The following LIPI variants were observed in gnomAD, a reference collection of about 807,000 sequenced individuals.
LIPI encodes lipase I, also known as lipase member I.
In LIPI, 59 loss-of-function variants were observed where a neutral mutation model predicts 50.6. The observed-to-expected ratio is 1.16, with a 90% CI of 0.94 to 1.45. LIPI has a LOEUF of 1.45. Among genes scored for constraint, LIPI ranks in the 40% most tolerant of loss-of-function variants. LIPI has a pLI of 0.00. For missense variants in LIPI, 586 were observed against 536.3 expected, an observed-to-expected ratio of 1.09 and a Z score of -0.92; for synonymous variants, 203 against 178.2, an observed-to-expected ratio of 1.14 and a Z score of -1.11.
chr21:14,162,932 TA>T (rs2018544931), intron 7 of LIPI, among the ~76,000 whole-genome samples: 1 of 151,780 alleles, frequency 6.6e-6, no homozygotes, highest in Non-Finnish European at 1.5e-5. Flanking sequence ...TACTTCCTTA[TA>T]AATCTATTAT....
intron 9 of LIPI, among the ~76,000 whole-genome samples, chr21:14,131,510 A>T (rs1255086960): frequency 6.6e-6 from 1 of 152,222 alleles, no homozygotes; most frequent in Non-Finnish European, 1.5e-5. Context: ...ACCCAAAATC[A>T]AAACCAATAT....
At chr21:14,179,615 G>A (rs956818473) in intron 4 of LIPI, among the ~76,000 whole-genome samples, 6 of 152,128 alleles carry the variant, frequency 3.9e-5, no homozygotes, top group South Asian at 2.1e-4. Context: ...TAGAGGGACC[G>A]GCTGGAGCCG....
At chr21:14,166,060 A>G (rs1272220295) in intron 5 of LIPI, among the ~76,000 whole-genome samples, 2 of 152,176 alleles carry the variant, frequency 1.3e-5, no homozygotes, top group African/African-American at 2.4e-5. Context: ...GTATTATATG[A>G]TACTTGAGCT....
chr21:14,199,289 A>G (rs928727056), intron 1 of LIPI, among the ~76,000 whole-genome samples: 1 of 152,010 alleles, frequency 6.6e-6, no homozygotes, highest in African/African-American at 2.4e-5. Flanking sequence ...ACTATTCAAG[A>G]GATCAATGAA....
At chr21:14,176,554 T>C (rs2019103734) in intron 4 of LIPI, among the ~76,000 whole-genome samples, 1 of 151,788 alleles carries the variant, frequency 6.6e-6, no homozygotes, top group South Asian at 2.1e-4. Flanking sequence ...TTAGTTATTT[T>C]TAAATGTGAT....
intron 4 of LIPI, among the ~76,000 whole-genome samples, chr21:14,173,601 G>A (rs766734742): frequency 2.0e-5 from 3 of 152,194 alleles, no homozygotes; most frequent in Admixed American, 6.5e-5. Flanking sequence ...CTACAACACA[G>A]TGAACTCATG....
chr21:14,129,815 A>T (rs199949843), intron 9 of LIPI, among the ~76,000 whole-genome samples: 15 of 143,248 alleles, frequency 1.0e-4, no homozygotes, highest in African/African-American at 3.5e-4. Flanking sequence ...TTTTTAAAAA[A>T]AAAAAAAGCT....
chr21:14,110,044 A>G (rs2016340000), intron 9 of LIPI, among the ~76,000 whole-genome samples: 1 of 151,970 alleles, frequency 6.6e-6, no homozygotes, highest in African/African-American at 2.4e-5. Flanking sequence ...CTGAATTTGT[A>G]CTTCTAATGC....
chr21:14,153,834 C>T (rs1415021679), intron 7 of LIPI, among the ~76,000 whole-genome samples: 1 of 152,102 alleles, frequency 6.6e-6, no homozygotes, highest in Admixed American at 6.6e-5. Context: ...AAAATTCTTC[C>T]TATTTTTTCA....
At position 14,167,783 on chromosome 21, in the gene LIPI, C is replaced by CTAAAAAA. The variant is rs1309680318; in HGVS notation, c.644-1333_644-1332insTTTTTTA. Reference sequence around the variant, plus strand: ...ATGGGGAAAAAACAGAGCAGAAAAACTGGAAACTCTAAAAAGCAGAGTGCC... The same window carrying CTAAAAAA: ...ATGGGGAAAAAACAGAGCAGAAAAACTAAAAAATGGAAACTCTAAAAAGCAGAGTGCC... On this transcript the variant is annotated intron_variant, in intron 4 of 9. Coordinates refer to ENST00000681601, the MANE Select transcript of LIPI (RefSeq NM_001302998.2). Among the ~76,000 whole-genome samples the CTAAAAAA allele has an allele frequency of 3.1e-4, 47 of 152,270 alleles. 1 individual carries two copies. The highest frequency in any genetic ancestry group is 1.0e-3 in the African/African-American group (43 of 41,544).
At chr21:14,165,921 C>T (rs115561769) in intron 5 of LIPI, among the ~76,000 whole-genome samples, 2,129 of 152,216 alleles carry the variant, frequency 0.014, 48 homozygotes, top group African/African-American at 0.048. Flanking sequence ...CTGATGTGAG[C>T]CAAATTCCAC....
intron 1 of LIPI, among the ~76,000 whole-genome samples, chr21:14,204,944 T>C (rs891813586): frequency 6.6e-6 from 1 of 151,356 alleles, no homozygotes; most frequent in African/African-American, 2.4e-5. Flanking sequence ...AGAAACACTA[T>C]AAACTAGACA....
At chr21:14,207,787 T>C (rs536039265) in intron 1 of LIPI, among the ~76,000 whole-genome samples, 1 of 152,202 alleles carries the variant, frequency 6.6e-6, no homozygotes, top group South Asian at 2.1e-4. Context: ...AAAGAGAAAA[T>C]GAACACGGAA....
intron 1 of LIPI, among the ~76,000 whole-genome samples, chr21:14,191,376 C>CA (rs71183411): frequency 0.03 from 2,542 of 86,044 alleles, 79 homozygotes; most frequent in African/African-American, 0.099. Flanking sequence ...GACTCCGTCT[C>CA]AAAAAAAAAA....
At chr21:14,121,804 C>T (rs1056499636) in intron 9 of LIPI, among the ~76,000 whole-genome samples, 9 of 152,292 alleles carry the variant, frequency 5.9e-5, no homozygotes, top group East Asian at 5.8e-4. Flanking sequence ...TCATCCAACT[C>T]GACTGATCTT....
chr21:14,169,310 A>G (rs568659751), intron 4 of LIPI, among the ~76,000 whole-genome samples: 322 of 152,276 alleles, frequency 2.1e-3, no homozygotes, highest in Non-Finnish European at 3.5e-3. Context: ...TCAACGAGAC[A>G]GAAAGTTAAC....
chr21:14,181,030 C>A (rs549783839), intron 4 of LIPI, among the ~76,000 whole-genome samples: 1 of 152,132 alleles, frequency 6.6e-6, no homozygotes, highest in Admixed American at 6.6e-5. Flanking sequence ...GACCTTACAA[C>A]CTTTATTCTA....
At chr21:14,205,918 T>A (rs2020213629) in intron 1 of LIPI, among the ~76,000 whole-genome samples, 1 of 152,146 alleles carries the variant, frequency 6.6e-6, no homozygotes, top group Non-Finnish European at 1.5e-5. Context: ...CACTAGCAGG[T>A]ACATAATATA....
At chr21:14,189,604 A>G (rs988386926) in intron 1 of LIPI, among the ~76,000 whole-genome samples, 185 bp from the exon 2 acceptor site, 3 of 152,314 alleles carry the variant, frequency 2.0e-5, no homozygotes, top group East Asian at 3.9e-4. Flanking sequence ...GATTTTCTGA[A>G]CCAAAAGTAA....
Sources: gnomAD v4.1 joint callset for allele counts (sites outside exome capture counted in the v4.1 genomes callset) on GRCh38, gnomAD v4.1.1 for gene constraint, MANE v1.5 for transcripts, NCBI Gene and HGNC (gene_info 2026-07-23, HGNC 2026-07-21) for gene names.